IMPG1: variants seen among roughly 807,000 people sequenced by gnomAD.
IMPG1 encodes interphotoreceptor matrix proteoglycan 1, also known as interphotoreceptor matrix proteoglycan of 150 kDa.
A neutral mutation model predicts 92.0 loss-of-function variants in IMPG1; 85 were observed. That is an observed-to-expected ratio of 0.92 (90% CI 0.78 to 1.11). The LOEUF (loss-of-function observed/expected upper bound fraction) is 1.11, where lower values mean the gene tolerates loss of function less well. Ranked by LOEUF, IMPG1 falls within the 50% of genes least tolerant of loss-of-function variation. The probability of loss-of-function intolerance (pLI) is 0.00; values close to 1 mark genes in which losing one functional copy is unlikely to be tolerated. For missense variants in IMPG1, 1,022 were observed against 956.0 expected (o/e 1.07, Z -0.91); for synonymous variants, 367 against 334.1 (o/e 1.10, Z -1.08).
chr6:75,940,358 G>T (rs1781818391), intron 14 of IMPG1, among the ~76,000 whole-genome samples: 1 of 152,090 alleles, frequency 6.6e-6, no homozygotes, highest in Non-Finnish European at 1.5e-5. Context: ...TATTTTTGGA[G>T]TCTTTTAAAA....
At position 75,924,713 on chromosome 6, in the gene IMPG1, AATATATAATATAATT is replaced by A. The variant is rs1562335332; in HGVS notation, c.2244-1022_2244-1008del. ...ATATAAATAATTATATATAATATATAATATATAATATAATTATATATAATATATAATATATAATAT... is the reference window on the plus strand; with the variant it reads ...ATATAAATAATTATATATAATATATAATATATAATATATAATATATAATAT... On this transcript the variant is annotated intron_variant, in intron 15 of 16. Coordinates refer to ENST00000369950, the MANE Select transcript of IMPG1 (RefSeq NM_001563.4). Among the ~76,000 whole-genome samples, 8 of 9,444 alleles carry A rather than the reference AATATATAATATAATT, an allele frequency of 8.5e-4. 1 individual carries two copies. The highest frequency in any genetic ancestry group is 2.6e-3 in the African/African-American group (8 of 3,066). The allele number at this position is 9,444 out of a possible 152,430, so 6.2% of individuals were successfully genotyped here.
intron 12 of IMPG1, among the ~76,000 whole-genome samples, chr6:75,978,855 A>T (rs1782579471): frequency 6.6e-6 from 1 of 152,186 alleles, no homozygotes; most frequent in Non-Finnish European, 1.5e-5. Flanking sequence ...GCCAATTTAT[A>T]AGGTATTATT....
intron 14 of IMPG1, among the ~76,000 whole-genome samples, chr6:75,935,762 A>G (rs1021737821): frequency 6.6e-6 from 1 of 152,148 alleles, no homozygotes; most frequent in Non-Finnish European, 1.5e-5. Flanking sequence ...AATTAATGCA[A>G]CCCGTACTGG....
chr6:75,997,543 C>T (rs1186373587), intron 12 of IMPG1, among the ~76,000 whole-genome samples: 2 of 152,150 alleles, frequency 1.3e-5, no homozygotes, highest in Non-Finnish European at 2.9e-5. Flanking sequence ...GATTAAATTT[C>T]TTCAGCACTC....
intron 1 of IMPG1, among the ~76,000 whole-genome samples, chr6:76,048,812 TACCATTTG>T (rs1295275275): frequency 6.6e-6 from 1 of 152,150 alleles, no homozygotes; most frequent in African/African-American, 2.4e-5. Flanking sequence ...AGGACAGAAA[TACCATTTG>T]ACCATTTGAC....
intron 12 of IMPG1, 132 bp from the exon 13 acceptor site, chr6:75,951,226 T>C: frequency 1.5e-6 from 1 of 677,152 alleles, no homozygotes; most frequent in Non-Finnish European, 2.4e-6. Flanking sequence ...AATAGTCATT[T>C]TTTTTTTTTT....
chr6:75,953,019 G>C (rs1782059567), intron 12 of IMPG1, among the ~76,000 whole-genome samples: 1 of 152,192 alleles, frequency 6.6e-6, no homozygotes, highest in Non-Finnish European at 1.5e-5. Flanking sequence ...TAAATTGAAA[G>C]GATTTGATTT....
chr6:75,956,860 C>G (rs1012622796), intron 12 of IMPG1, among the ~76,000 whole-genome samples: 4 of 152,172 alleles, frequency 2.6e-5, no homozygotes, highest in Admixed American at 6.5e-5. Flanking sequence ...ACCCAGTAGT[C>G]ATTCAAGGAG....
intron 1 of IMPG1, among the ~76,000 whole-genome samples, chr6:76,047,831 TGTCCTCTTTTTAA>T: frequency 6.6e-6 from 1 of 152,310 alleles, no homozygotes; most frequent in Non-Finnish European, 1.5e-5. Flanking sequence ...TTGAAATTTC[TGTCCTCTTTTTAA>T]GTATCTAATA....
At chr6:75,978,646 A>C (rs912374865) in intron 12 of IMPG1, among the ~76,000 whole-genome samples, 1 of 152,162 alleles carries the variant, frequency 6.6e-6, no homozygotes, top group African/African-American at 2.4e-5. Context: ...TCATTCATTC[A>C]TTTGGGTATG....
rs371175172 is a variant in IMPG1 at position 75,987,198 on chromosome 6, T to C, written c.1291+15720A>G. On this transcript the variant is annotated intron_variant, in intron 12 of 16. Transcript: ENST00000369950. ...CTGGGAGGGGTGTTCAGTGAAAAGA[T>C]TGACCTGAGCTGAAATTCAGCCAAG... Among the ~76,000 whole-genome samples, 143 of 152,210 alleles carry C rather than the reference T, an allele frequency of 9.4e-4. 1 individual carries two copies. Among genetic ancestry groups the C allele is most frequent in the African/African-American group, 3.2e-3 (133 of 41,538 alleles).
intron 12 of IMPG1, among the ~76,000 whole-genome samples, chr6:75,974,393 T>TTCTTTCCTTCCTTCC (rs1313714060): frequency 3.1e-5 from 2 of 65,030 alleles, no homozygotes; most frequent in African/African-American, 1.2e-4. Flanking sequence ...CTTTCTTTCT[T>TTCTTTCCTTCCTTCC]TTCTTTCTTT....
At chr6:76,021,004 A>G (rs2787843) in intron 6 of IMPG1, among the ~76,000 whole-genome samples, 149,585 of 152,318 alleles carry the variant, frequency 0.98, 73,495 homozygotes, top group Non-Finnish European at 1. Flanking sequence ...TAGCTAGATC[A>G]TTTTCTTTCA....
At chr6:75,923,826 T>C (rs191495359) in intron 15 of IMPG1, 120 bp from the exon 16 acceptor site, 1 of 598,670 alleles carries the variant, frequency 1.7e-6, no homozygotes, top group East Asian at 3.0e-5. Flanking sequence ...ATAGCATATT[T>C]TTGCAGGTGT....
At chr6:75,998,746 CA>C (rs1782939249) in intron 12 of IMPG1, among the ~76,000 whole-genome samples, 4 of 152,132 alleles carry the variant, frequency 2.6e-5, no homozygotes, top group Admixed American at 2.0e-4. Flanking sequence ...AACCAAACCA[CA>C]AAAAATTTTT....
chr6:76,019,275 G>A lies in IMPG1; in HGVS notation c.667-417C>T, dbSNP rs564581184. Among the ~76,000 whole-genome samples the A allele has an allele frequency of 1.3e-4, 20 of 152,262 alleles. 1 individual carries two copies. The South Asian group carries it at 3.9e-3, about 30-fold the overall frequency. ...GTTTCTCATTGCTCTGAATTCATATGGGCTTCCAGGACACAGAGCAAGCCC... is the reference window on the plus strand; with the variant it reads ...GTTTCTCATTGCTCTGAATTCATATAGGCTTCCAGGACACAGAGCAAGCCC... On this transcript the variant is annotated intron_variant, in intron 6 of 16. Transcript: ENST00000369950.
rs1221692817 is a variant in IMPG1 at position 76,034,766 on chromosome 6, T to C, written c.323A>G (p.Glu108Gly). 1 of 1,614,078 alleles carries C rather than the reference T, an allele frequency of 6.2e-7. No individual in the cohort carries two copies. Among genetic ancestry groups the C allele is most frequent in the Admixed American group, 1.7e-5 (1 of 60,012 alleles). Residue 108 changes from glutamate (E) to glycine (G), a missense_variant, in exon 3 of 17, where the codon GAA (glutamate) becomes GGA (glycine). Glu to Gly is a moderately conservative substitution (Grantham distance 98, BLOSUM62 -2). Transcript: ENST00000369950. ...RLRVCQEAVW[E>G]AYRIFLDRIP... The stretch of plus-strand genomic sequence containing the variant: ...GCGATCCAGAAAGATCCGATATGCT[T>C]CCCATACTGCTTCCTGACACACTGT...
chr6:75,998,183 A>G (rs896358846), intron 12 of IMPG1, among the ~76,000 whole-genome samples: 1 of 152,232 alleles, frequency 6.6e-6, no homozygotes, highest in Non-Finnish European at 1.5e-5. Flanking sequence ...TTTACTAGAC[A>G]GATTAAAAAG....
intron 4 of IMPG1, among the ~76,000 whole-genome samples, chr6:76,026,272 C>T (rs1257663311): frequency 6.6e-6 from 1 of 152,192 alleles, no homozygotes; most frequent in Admixed American, 6.5e-5. Context: ...TTGTCTTTAG[C>T]TGAACTAAGG....
Sources: allele counts gnomAD v4.1 joint callset (sites outside exome capture counted in the v4.1 genomes callset), GRCh38; gene constraint gnomAD v4.1.1; transcripts MANE v1.5; gene names NCBI Gene and HGNC (gene_info 2026-07-23, HGNC 2026-07-21).